Variants in PSD3 observed in about 807,000 individuals in gnomAD.
PSD3 encodes pleckstrin and Sec7 domain containing 3.
Under a neutral mutation model 105.5 loss-of-function variants are expected in PSD3, and 49 were observed. That is an observed-to-expected ratio of 0.46 (90% CI 0.37 to 0.59). The LOEUF is 0.59. PSD3 is among the 20% of genes least tolerant of loss of function. The probability of loss-of-function intolerance (pLI) is 0.00; values close to 1 mark genes in which losing one functional copy is unlikely to be tolerated. For synonymous variants in PSD3, 557 were observed against 457.8 expected, an observed-to-expected ratio of 1.22 and a Z score of -2.77; for missense variants, 1,561 against 1,263.8, an observed-to-expected ratio of 1.24 and a Z score of -3.57.
intron 1 of PSD3, among the ~76,000 whole-genome samples, chr8:18,985,462 AG>A (rs1471909257): frequency 6.6e-6 from 1 of 152,232 alleles, no homozygotes; most frequent in Admixed American, 6.5e-5. Flanking sequence ...GGAAGGCACC[AG>A]GAATTCCCTA....
chr8:18,991,027 A>G (rs1400750958), intron 1 of PSD3, among the ~76,000 whole-genome samples: 2 of 152,144 alleles, frequency 1.3e-5, no homozygotes, highest in African/African-American at 4.8e-5. Context: ...GCCCCAGGAA[A>G]GTGAAATACA....
intron 8 of PSD3, among the ~76,000 whole-genome samples, chr8:18,772,925 C>T (rs9644614): frequency 0.48 from 72,667 of 152,026 alleles, 19,713 homozygotes; most frequent in Non-Finnish European, 0.61. Flanking sequence ...TTACACAGTC[C>T]GATATTAACT....
chr8:18,792,421 A>T (rs1216027987), intron 8 of PSD3, among the ~76,000 whole-genome samples: 4 of 152,180 alleles, frequency 2.6e-5, no homozygotes, highest in Non-Finnish European at 4.4e-5. Context: ...AGGGACAGGG[A>T]TGGAGCCAGA....
chr8:18,791,504 G>A (rs535464768), intron 8 of PSD3, among the ~76,000 whole-genome samples: 3 of 152,264 alleles, frequency 2.0e-5, no homozygotes, highest in East Asian at 1.9e-4. Context: ...AATACATGGT[G>A]CTAGAAAAAC....
At chr8:18,666,665 C>T (rs1385154406) in intron 9 of PSD3, among the ~76,000 whole-genome samples, 1 of 150,600 alleles carries the variant, frequency 6.6e-6, no homozygotes, top group Non-Finnish European at 1.5e-5. Context: ...GGTAAGCTAG[C>T]ACTCAGCTGT....
rs535944841 is a variant in PSD3 at position 18,809,549 on chromosome 8, G to A, written c.1635-4651C>T. Among the ~76,000 whole-genome samples, 11 of 152,220 alleles carry A rather than the reference G, an allele frequency of 7.2e-5. No homozygotes were observed. In the South Asian group the frequency reaches 2.3e-3, roughly 32 times the overall value. On this transcript the variant is annotated intron_variant, in intron 4 of 15. Transcript: ENST00000327040. Reference sequence around the variant, plus strand: ...AAAAAACAGTGTCTAGTGTAAGTACGTCCCAAATACTGCACAGGACATACT... The same window carrying A: ...AAAAAACAGTGTCTAGTGTAAGTACATCCCAAATACTGCACAGGACATACT...
intron 1 of PSD3, among the ~76,000 whole-genome samples, chr8:18,974,050 T>C (rs371294527): frequency 8.5e-5 from 13 of 152,238 alleles, no homozygotes; most frequent in Middle Eastern, 3.4e-3. Flanking sequence ...ACAATACAAA[T>C]GATAAAATAA....
chr8:18,628,584 A>G (rs867734789), intron 11 of PSD3, among the ~76,000 whole-genome samples: 88 of 151,914 alleles, frequency 5.8e-4, no homozygotes, highest in African/African-American at 2.1e-3. Flanking sequence ...GGGTAAAAGT[A>G]AAAAAAAGGT....
intron 1 of PSD3, chr8:18,979,571 T>G (rs534158129): frequency 1.3e-5 from 2 of 152,376 alleles, no homozygotes; most frequent in Non-Finnish European, 2.9e-5. Context: ...GAGTGAAGCA[T>G]TTATTTTTAT....
intron 1 of PSD3, among the ~76,000 whole-genome samples, chr8:18,957,327 C>A (rs1375617654): frequency 1.3e-5 from 2 of 149,900 alleles, no homozygotes; most frequent in Admixed American, 1.3e-4. Flanking sequence ...GCGGAGATCA[C>A]GTCACTGCAC....
chr8:18,737,915 C>T (rs530748834), intron 9 of PSD3, among the ~76,000 whole-genome samples: 1 of 152,170 alleles, frequency 6.6e-6, no homozygotes, highest in South Asian at 2.1e-4. Context: ...CCTTATCACA[C>T]AGGCAGGAGG....
chr8:18,619,221 C>T (rs1335056827), intron 11 of PSD3, among the ~76,000 whole-genome samples: 1 of 152,146 alleles, frequency 6.6e-6, no homozygotes, highest in Non-Finnish European at 1.5e-5. Flanking sequence ...GATGGAAGTT[C>T]AGATGCACCT....
intron 11 of PSD3, 104 bp downstream of exon 11, chr8:18,632,509 A>G: frequency 7.8e-7 from 1 of 1,281,028 alleles, no homozygotes; most frequent in Non-Finnish European, 1.1e-6. Context: ...GTGTCTATAG[A>G]TAAACATAAT....
At chr8:19,074,095 G>GA (rs1279758637) in intron 1 of PSD3, among the ~76,000 whole-genome samples, 1 of 152,148 alleles carries the variant, frequency 6.6e-6, no homozygotes, top group Non-Finnish European at 1.5e-5. Flanking sequence ...CCGCAGCCCA[G>GA]AATTGTTTAT....
intron 9 of PSD3, among the ~76,000 whole-genome samples, chr8:18,701,798 A>G (rs1206398875): frequency 1.3e-5 from 2 of 152,346 alleles, no homozygotes; most frequent in South Asian, 2.1e-4. Context: ...CTGCATAGCC[A>G]TGAGCTTTCC....
intron 12 of PSD3, among the ~76,000 whole-genome samples, chr8:18,582,628 T>G (rs971207201): frequency 1.3e-5 from 2 of 152,232 alleles, no homozygotes; most frequent in East Asian, 3.9e-4. Context: ...AAAGTATGCA[T>G]AATTGCTTAC....
intron 11 of PSD3, among the ~76,000 whole-genome samples, chr8:18,623,544 G>A (rs1806275939): frequency 6.6e-6 from 1 of 151,144 alleles, no homozygotes; most frequent in Admixed American, 6.6e-5. Context: ...GGTGGCTGAG[G>A]TGGGAAGACT....
chr8:18,845,415 C>G lies in PSD3; in HGVS notation c.1634+22259G>C, dbSNP rs185440910. ...GCATTCTCAGACTTACTGACATAAG[C>G]AGGGTGGCAACTCCCTCATCAGTCC... On this transcript the variant is annotated intron_variant, in intron 4 of 15. Coordinates refer to ENST00000327040, the MANE Select transcript of PSD3 (RefSeq NM_015310.4). Among the ~76,000 whole-genome samples the G allele has an allele frequency of 1.1e-3, 174 of 152,272 alleles. 1 individual carries two copies. Among genetic ancestry groups the G allele is most frequent in the African/African-American group, 4.1e-3 (171 of 41,556 alleles).
intron 8 of PSD3, among the ~76,000 whole-genome samples, chr8:18,766,130 T>G (rs1806978239): frequency 1.3e-5 from 2 of 152,106 alleles, no homozygotes; most frequent in African/African-American, 4.8e-5. Flanking sequence ...GGTCAAGAGT[T>G]TGAGACCAGC....
Sources: allele counts gnomAD v4.1 joint callset (sites outside exome capture counted in the v4.1 genomes callset), GRCh38; gene constraint gnomAD v4.1.1; transcripts MANE v1.5; gene names NCBI Gene and HGNC (gene_info 2026-07-23, HGNC 2026-07-21).